Variants in CRTC3 observed in about 807,000 individuals in gnomAD.
The protein encoded by CRTC3 is CREB regulated transcription coactivator 3, also known as CREB-regulated transcription coactivator 3.
Under a neutral mutation model 74.5 loss-of-function variants are expected in CRTC3, and 26 were observed. That is an observed-to-expected ratio of 0.35 (90% CI 0.26 to 0.48). The LOEUF is 0.48. CRTC3 is among the 20% of genes least tolerant of loss of function. CRTC3 has a pLI of 0.99. For synonymous variants in CRTC3, 377 were observed against 325.8 expected (o/e 1.16, Z -1.69); for missense variants, 760 against 787.3 (o/e 0.97, Z 0.41).
At chr15:90,627,419 T>C (rs1185316703) in intron 10 of CRTC3, among the ~76,000 whole-genome samples, 1 of 152,072 alleles carries the variant, frequency 6.6e-6, no homozygotes, top group African/African-American at 2.4e-5. Flanking sequence ...GAATCCTCAA[T>C]GTATGAAGAT....
At chr15:90,537,423 G>A (rs1418869131) in intron 1 of CRTC3, among the ~76,000 whole-genome samples, 1 of 152,064 alleles carries the variant, frequency 6.6e-6, no homozygotes, top group Non-Finnish European at 1.5e-5. Flanking sequence ...TCGCTCTGTC[G>A]CCCAGGCTGG....
chr15:90,588,017 G>C lies in CRTC3; in HGVS notation c.232-5619G>C, dbSNP rs112336328. ...GATCCCAGCACTTTGGGAGGCCGAG[G>C]GGGGTGGATCACTTGAGGCCAGGAG... On this transcript the variant is annotated intron_variant, in intron 2 of 14. Transcript: ENST00000268184. Among the ~76,000 whole-genome samples the C allele has an allele frequency of 4.9e-3, 747 of 151,902 alleles. 3 individuals are homozygous for C. Among genetic ancestry groups the C allele is most frequent in the Middle Eastern group, 0.041 (12 of 294 alleles).
intron 2 of CRTC3, among the ~76,000 whole-genome samples, chr15:90,556,048 T>A (rs540537582): frequency 6.6e-6 from 1 of 152,268 alleles, no homozygotes; most frequent in East Asian, 1.9e-4. Flanking sequence ...TGTATCTTTA[T>A]ACAGGTGATA....
chr15:90,579,353 G>A (rs969091323), intron 2 of CRTC3, among the ~76,000 whole-genome samples: 2 of 152,138 alleles, frequency 1.3e-5, no homozygotes, highest in South Asian at 2.1e-4. Flanking sequence ...ACTGGGGACC[G>A]ACAGCCTTGG....
At chr15:90,554,945 G>T (rs903085192) in intron 2 of CRTC3, among the ~76,000 whole-genome samples, 1 of 152,146 alleles carries the variant, frequency 6.6e-6, no homozygotes, top group Non-Finnish European at 1.5e-5. Context: ...TGACAATATT[G>T]CTGTTCACTT....
intron 11 of CRTC3, among the ~76,000 whole-genome samples, chr15:90,633,843 T>G (rs1218355067): frequency 2.0e-5 from 3 of 152,140 alleles, no homozygotes; most frequent in Non-Finnish European, 4.4e-5. Context: ...GAAGATTGTC[T>G]CAGCTTTATC....
intron 6 of CRTC3, among the ~76,000 whole-genome samples, chr15:90,609,300 G>GGGTGC (rs1472641507): frequency 6.6e-6 from 1 of 152,190 alleles, no homozygotes; most frequent in Non-Finnish European, 1.5e-5. Context: ...AATTGGATAT[G>GGGTGC]GGTGCACTGC....
intron 2 of CRTC3, among the ~76,000 whole-genome samples, chr15:90,578,071 AG>A (rs1170664285): frequency 6.6e-6 from 1 of 152,018 alleles, no homozygotes; most frequent in Non-Finnish European, 1.5e-5. Context: ...GTGCGCCACC[AG>A]GTCCAGCTAA....
intron 2 of CRTC3, among the ~76,000 whole-genome samples, chr15:90,562,277 C>T (rs1368734068): frequency 6.6e-6 from 1 of 152,202 alleles, no homozygotes; most frequent in African/African-American, 2.4e-5. Context: ...AGTACCTGAG[C>T]TATGCTTTGT....
intron 2 of CRTC3, among the ~76,000 whole-genome samples, chr15:90,572,212 C>T (rs1276600293): frequency 1.3e-5 from 2 of 148,892 alleles, no homozygotes; most frequent in Non-Finnish European, 1.5e-5. Context: ...AGGTATCTTT[C>T]TATGTCAGTA....
chr15:90,589,049 G>A (rs1422453853), intron 2 of CRTC3, among the ~76,000 whole-genome samples: 3 of 151,768 alleles, frequency 2.0e-5, no homozygotes, highest in East Asian at 3.9e-4. Flanking sequence ...TGTCGTCGTC[G>A]TTATTTTTAT....
rs1487144227 is a variant in CRTC3 at position 90,543,761 on chromosome 15, CT to C, written c.231+3630del. On this transcript the variant is annotated intron_variant, in intron 2 of 14. Coordinates refer to ENST00000268184, the MANE Select transcript of CRTC3 (RefSeq NM_022769.5). Reference sequence around the variant, plus strand: ...TATGTAAATACAATATAATTTATACCTTTTTTAGGTATACAGCTCTTTGCCA... The same window carrying C: ...TATGTAAATACAATATAATTTATACCTTTTTAGGTATACAGCTCTTTGCCA... 1.3e-5 allele frequency among the ~76,000 whole-genome samples: 2 copies of C among 151,828 alleles called. 1 individual carries two copies. Among genetic ancestry groups the C allele is most frequent in the Non-Finnish European group, 2.9e-5 (2 of 67,972 alleles).
chr15:90,644,132 G>A lies in CRTC3; in HGVS notation c.*1992G>A, dbSNP rs965359122. ...GGGAAATCAAACCAGAGTCCTCCTC[G>A]CCTGATTTCCAGCTCAGGAAGGGCC... On this transcript the variant is annotated 3_prime_UTR_variant, in exon 15 of 15. Coordinates refer to ENST00000268184, the MANE Select transcript of CRTC3 (RefSeq NM_022769.5). The A allele has an allele frequency of 2.2e-5, 5 of 228,420 alleles. No individual in the cohort carries two copies. The highest frequency in any genetic ancestry group is 4.4e-5 in the African/African-American group (2 of 45,046). 14.1% of individuals were successfully genotyped at this position (228,420 alleles called of 1,614,324 possible).
Position 90,643,024 on chromosome 15 carries a change from G to A in CRTC3, c.*884G>A. 4.3e-6 allele frequency: 1 copy of A among 232,554 alleles called. No individual in the cohort carries two copies. The highest frequency in any genetic ancestry group is 8.5e-6 in the Non-Finnish European group (1 of 117,630). 14.4% of individuals were successfully genotyped at this position (232,554 alleles called of 1,614,324 possible). On this transcript the variant is annotated 3_prime_UTR_variant, in exon 15 of 15. Coordinates refer to ENST00000268184, the MANE Select transcript of CRTC3 (RefSeq NM_022769.5). Reference sequence around the variant, plus strand: ...GTGAGGCCCTAACCCCACCCACCGAGCAACTGAGCTTCCCCATCCCTCCCC... The same window carrying A: ...GTGAGGCCCTAACCCCACCCACCGAACAACTGAGCTTCCCCATCCCTCCCC...
intron 14 of CRTC3, among the ~76,000 whole-genome samples, chr15:90,641,430 G>A (rs1969437532): frequency 6.6e-6 from 1 of 152,150 alleles, no homozygotes; most frequent in Admixed American, 6.6e-5. Flanking sequence ...CAGTGCGGTG[G>A]CTCACGCCTG....
chr15:90,597,247 A>G (rs775825375), intron 3 of CRTC3, among the ~76,000 whole-genome samples: 2 of 152,188 alleles, frequency 1.3e-5, no homozygotes, highest in Non-Finnish European at 2.9e-5. Flanking sequence ...TCTTACTCTC[A>G]CTCATCAAGG....
At chr15:90,635,044 T>C (rs1430713936) in intron 11 of CRTC3, 1 of 993,194 alleles carries the variant, frequency 1.0e-6, no homozygotes, top group Admixed American at 1.7e-5. Context: ...AATAAGTCAC[T>C]ACTGAAATGG....
chr15:90,632,565 A>C (rs1178060717), intron 11 of CRTC3, among the ~76,000 whole-genome samples: 1 of 152,244 alleles, frequency 6.6e-6, no homozygotes, highest in Non-Finnish European at 1.5e-5. Context: ...CACTGCCTAG[A>C]GATGGCTGTC....
At chr15:90,545,461 G>A (rs1206292414) in intron 2 of CRTC3, among the ~76,000 whole-genome samples, 2 of 148,748 alleles carry the variant, frequency 1.3e-5, no homozygotes, top group South Asian at 2.1e-4. Flanking sequence ...GTGTAGTGGC[G>A]TGATCTCAGC....
Sources: gnomAD v4.1 joint callset for allele counts (sites outside exome capture counted in the v4.1 genomes callset) on GRCh38, gnomAD v4.1.1 for gene constraint, MANE v1.5 for transcripts, NCBI Gene and HGNC (gene_info 2026-07-23, HGNC 2026-07-21) for gene names.